Variants in FBXO31 observed in about 807,000 individuals in gnomAD.
The protein encoded by FBXO31 is F-box only protein 31.
FBXO31 carries 24 observed loss-of-function variants against 54.4 expected under a neutral mutation model. That is an observed-to-expected ratio of 0.44 (90% CI 0.32 to 0.62). FBXO31 has a LOEUF of 0.62. FBXO31 is among the 20% of genes least tolerant of loss of function. FBXO31 has a pLI of 0.05. For synonymous variants in FBXO31, 388 were observed against 335.6 expected (o/e 1.16, Z -1.71); for missense variants, 665 against 787.1 (o/e 0.84, Z 1.86).
chr16:87,382,556 G>A (rs1907125961), intron 1 of FBXO31, among the ~76,000 whole-genome samples: 1 of 152,150 alleles, frequency 6.6e-6, no homozygotes, highest in Non-Finnish European at 1.5e-5. Flanking sequence ...AGCCCGCACC[G>A]CTGTGATCCA....
Position 87,383,335 on chromosome 16 carries a change from C to G in FBXO31, c.340+70G>C, listed in dbSNP as rs1484908869. ...GGCCGGGGCCACCGCCCCCGCCACT[C>G]CCAGCTCCGAGGCCTCCACCTGGCA... On this transcript the variant is annotated intron_variant, in intron 1 of 8. Transcript: ENST00000311635. This position sits in a 1 kb window ranked among gnomAD's most constrained non-coding sequence, Gnocchi z 4.9. 1 of 1,359,880 alleles carries G rather than the reference C, an allele frequency of 7.4e-7. No homozygotes were observed. The highest frequency in any genetic ancestry group is 1.5e-5 in the African/African-American group (1 of 65,264). The allele number at this position is 1,359,880 out of a possible 1,614,324, so 84.2% of individuals were successfully genotyped here.
At position 87,383,282 on chromosome 16, in the gene FBXO31, C is replaced by T. The variant is rs1054515948; in HGVS notation, c.340+123G>A. 6.5e-6 allele frequency: 6 copies of T among 929,920 alleles called. No individual in the cohort carries two copies. The highest frequency in any genetic ancestry group is 3.4e-4 in the Middle Eastern group (1 of 2,912). 57.6% of individuals were successfully genotyped at this position (929,920 alleles called of 1,614,324 possible). A position where few individuals can be genotyped will look rare whatever the true frequency, so the allele number is the denominator to read the frequency against. On this transcript the variant is annotated intron_variant, in intron 1 of 8. Coordinates refer to ENST00000311635, the MANE Select transcript of FBXO31 (RefSeq NM_024735.5). This position sits in a 1 kb window ranked among gnomAD's most constrained non-coding sequence, Gnocchi z 4.9. ...ACCCACACCCAAAACACCACATCGC[C>T]GGGCCCCGCGCCCAACTGGTGGCCC...
At chr16:87,372,883 C>T (rs889170130) in intron 1 of FBXO31, among the ~76,000 whole-genome samples, 7 of 151,298 alleles carry the variant, frequency 4.6e-5, no homozygotes, top group African/African-American at 7.3e-5. Flanking sequence ...ACTACAGGCA[C>T]GCCACCACAC....
rs994219520 is a variant in FBXO31, at chr16:87,345,555, A to T, written c.489+1619T>A. ...GGTGACCGAGAAACACAGAAACTAA[A>T]ACTACAAGCAGACATCTGCTCCTGG... On this transcript the variant is annotated intron_variant, in intron 3 of 8. Transcript: ENST00000311635. The surrounding 1 kb of genome is among the most constrained non-coding windows in gnomAD (Gnocchi z 4.9). Among the ~76,000 whole-genome samples the T allele has an allele frequency of 6.6e-6, 1 of 152,108 alleles. No individual in the cohort carries two copies. The highest frequency in any genetic ancestry group is 1.5e-5 in the Non-Finnish European group (1 of 68,008).
rs2150675914 is a variant in FBXO31, at chr16:87,345,527, G to A, written c.489+1647C>T. On this transcript the variant is annotated intron_variant, in intron 3 of 8. Transcript: ENST00000311635. The surrounding 1 kb of genome is among the most constrained non-coding windows in gnomAD (Gnocchi z 4.9). The stretch of plus-strand genomic sequence containing the variant: ...AGCAGCTACTTTTCAACATAAATTG[G>A]CAGGTGACCGAGAAACACAGAAACT... 1.3e-5 allele frequency among the ~76,000 whole-genome samples: 2 copies of A among 152,262 alleles called. No individual in the cohort carries two copies. Among genetic ancestry groups the A allele is most frequent in the South Asian group, 4.1e-4 (2 of 4,824 alleles).
intron 1 of FBXO31, among the ~76,000 whole-genome samples, chr16:87,371,965 T>C (rs917292893): frequency 2.0e-5 from 3 of 152,058 alleles, no homozygotes; most frequent in African/African-American, 7.2e-5. Context: ...GGCTCATGTA[T>C]GTAATCCCAG....
At chr16:87,342,534 C>T (rs1038945447) in intron 5 of FBXO31, among the ~76,000 whole-genome samples, 5 of 152,184 alleles carry the variant, frequency 3.3e-5, no homozygotes, top group Non-Finnish European at 7.4e-5. Context: ...GGGTGCAGCC[C>T]TCGGGTCTCC....
chr16:87,370,350 G>C (rs951533468), intron 1 of FBXO31, among the ~76,000 whole-genome samples: 1 of 152,220 alleles, frequency 6.6e-6, no homozygotes, highest in African/African-American at 2.4e-5. Flanking sequence ...GCACTAGGGG[G>C]ACTGCAGTAA....
chr16:87,339,417 G>A (rs572952886), intron 5 of FBXO31, among the ~76,000 whole-genome samples: 20 of 152,336 alleles, frequency 1.3e-4, no homozygotes, highest in South Asian at 4.1e-4. Flanking sequence ...GAAAAGCAGC[G>A]AGGACACTGC....
At chr16:87,367,818 C>T (rs962736202) in intron 1 of FBXO31, 3 of 152,210 alleles carry the variant, frequency 2.0e-5, no homozygotes, top group Non-Finnish European at 2.9e-5. Context: ...TTTATGCCGC[C>T]TGAAGTCATA....
intron 5 of FBXO31, among the ~76,000 whole-genome samples, chr16:87,341,257 C>T (rs889350250): frequency 3.3e-5 from 5 of 152,186 alleles, no homozygotes; most frequent in Non-Finnish European, 7.3e-5. Context: ...TTTTCCTAAT[C>T]CCAAAGTATA....
chr16:87,388,508 A>T (rs1224863930), upstream of FBXO31, among the ~76,000 whole-genome samples: 1 of 152,238 alleles, frequency 6.6e-6, no homozygotes, highest in Non-Finnish European at 1.5e-5. Flanking sequence ...AATCAGAAAG[A>T]GGAGAGGAGG....
At chr16:87,350,294 G>A (rs1157305159) in intron 2 of FBXO31, among the ~76,000 whole-genome samples, 1 of 152,156 alleles carries the variant, frequency 6.6e-6, no homozygotes, top group African/African-American at 2.4e-5. Flanking sequence ...CAAGCCTTTG[G>A]AGAAGACGCT....
In FBXO31 at chr16:87,360,424, T is replaced by C. The variant is rs748507325; in HGVS notation, c.341-58A>G. On this transcript the variant is annotated intron_variant, in intron 1 of 8. Coordinates refer to ENST00000311635, the MANE Select transcript of FBXO31 (RefSeq NM_024735.5). ...TCAACAACTCATAACGCGACAGACG[T>C]GGGCAGGCTGCTGATGGCTGGCAGG... 3.3e-6 allele frequency: 5 copies of C among 1,502,046 alleles called. No homozygotes were observed. In the East Asian group the frequency reaches 9.0e-5, roughly 27 times the overall value. The allele number at this position is 1,502,046 out of a possible 1,614,324, so 93.0% of individuals were successfully genotyped here. A position where few individuals can be genotyped will look rare whatever the true frequency, so the allele number is the denominator to read the frequency against.
intron 1 of FBXO31, among the ~76,000 whole-genome samples, chr16:87,369,547 G>C (rs930327145): frequency 6.6e-6 from 1 of 152,178 alleles, no homozygotes; most frequent in African/African-American, 2.4e-5. Flanking sequence ...AGCCTGCAGG[G>C]ACCACGCTGT....
chr16:87,335,483 A>G lies in FBXO31; in HGVS notation c.843-26T>C. The G allele has an allele frequency of 6.8e-7, 1 of 1,474,584 alleles. No individual in the cohort carries two copies. Among genetic ancestry groups the G allele is most frequent in the East Asian group, 3.0e-5 (1 of 33,644 alleles). 91.3% of individuals were successfully genotyped at this position (1,474,584 alleles called of 1,614,324 possible). A position where few individuals can be genotyped will look rare whatever the true frequency, so the allele number is the denominator to read the frequency against. On this transcript the variant is annotated intron_variant, in intron 6 of 8. Coordinates refer to ENST00000311635, the MANE Select transcript of FBXO31 (RefSeq NM_024735.5). The surrounding 1 kb of genome is among the most constrained non-coding windows in gnomAD (Gnocchi z 5.7). The stretch of plus-strand genomic sequence containing the variant: ...CTGTGGGGAGCGGACGGGTCAGTAC[A>G]GGAGACCTCGTGGGGCAGGCAGGAC...
chr16:87,377,132 T>A (rs1906857492), intron 1 of FBXO31, among the ~76,000 whole-genome samples: 1 of 152,186 alleles, frequency 6.6e-6, no homozygotes, highest in Admixed American at 6.5e-5. Flanking sequence ...AAGTTTGAAA[T>A]CTATAATTTT....
rs1904760542 is a variant in FBXO31, at chr16:87,329,356, A to C, written c.*1932T>G. ...CGTAATTGAGATCTGAGATTCCTTTAATCAGAAGCACGTGCGTCCCACAGT... is the reference window on the plus strand; with the variant it reads ...CGTAATTGAGATCTGAGATTCCTTTCATCAGAAGCACGTGCGTCCCACAGT... On this transcript the variant is annotated 3_prime_UTR_variant, in exon 9 of 9. Coordinates refer to ENST00000311635, the MANE Select transcript of FBXO31 (RefSeq NM_024735.5). 2 of 152,312 alleles carry C rather than the reference A, an allele frequency of 1.3e-5. No individual in the cohort carries two copies. Among genetic ancestry groups the C allele is most frequent in the African/African-American group, 4.8e-5 (2 of 41,482 alleles). The allele number at this position is 152,312 out of a possible 1,614,324, so 9.4% of individuals were successfully genotyped here.
chr16:87,372,428 G>C (rs977591436), intron 1 of FBXO31, among the ~76,000 whole-genome samples: 14 of 152,206 alleles, frequency 9.2e-5, no homozygotes, highest in African/African-American at 2.4e-4. Flanking sequence ...ACACGGGCCA[G>C]TGTTCCCATC....
Sources: allele counts gnomAD v4.1 joint callset (sites outside exome capture counted in the v4.1 genomes callset), GRCh38; gene constraint gnomAD v4.1.1; non-coding constraint Gnocchi (gnomAD v3.1); transcripts MANE v1.5; gene names NCBI Gene and HGNC (gene_info 2026-07-23, HGNC 2026-07-21).